Variants in RGSL1 observed in about 807,000 individuals in gnomAD.
RGSL1 encodes the protein regulator of G protein signaling protein-like.
Under a neutral mutation model 124.7 loss-of-function variants are expected in RGSL1, and 97 were observed. That is an observed-to-expected ratio of 0.78 (90% CI 0.66 to 0.92). RGSL1 has a LOEUF of 0.92. Ranked by LOEUF, RGSL1 falls within the 40% of genes least tolerant of loss-of-function variation. RGSL1 has a pLI of 0.00. For missense variants in RGSL1, 1,233 were observed against 1,288.4 expected, an observed-to-expected ratio of 0.96 and a Z score of 0.66; for synonymous variants, 424 against 438.1, an observed-to-expected ratio of 0.97 and a Z score of 0.40.
chr1:182,531,964 A>C (rs114187072), intron 13 of RGSL1, among the ~76,000 whole-genome samples: 1 of 152,146 alleles, frequency 6.6e-6, no homozygotes, highest in Non-Finnish European at 1.5e-5. Flanking sequence ...CTCCAGACTC[A>C]AAGTTTTTTA....
chr1:182,521,456 G>A lies in RGSL1; in HGVS notation c.1826-548G>A, dbSNP rs185165306. ...GACACCAATTCTGAACTTGCATGGT[G>A]TGCTAGAATATCATTTGAGAAACTT... On this transcript the variant is annotated intron_variant, in intron 9 of 21. Transcript: ENST00000294854. Among the ~76,000 whole-genome samples, 123 of 152,346 alleles carry A rather than the reference G, an allele frequency of 8.1e-4. 1 individual carries two copies. Among genetic ancestry groups the A allele is most frequent in the African/African-American group, 2.8e-3 (118 of 41,566 alleles).
At chr1:182,530,174 A>C (rs1051979998) in intron 11 of RGSL1, 70 bp from the exon 12 acceptor site, 1 of 1,257,166 alleles carries the variant, frequency 8.0e-7, no homozygotes, top group Non-Finnish European at 1.1e-6. Context: ...AAAAAAAAAC[A>C]AAAAACCACC....
rs1655324898 is a variant in RGSL1 at position 182,489,008 on chromosome 1, A to T, written c.1523A>T (p.Gln508Leu). ...TTQNRFISSR[Q>L]HKREFIGKEE... ...CAGAACAGGTTCATCAGCTCCAGACAGCATAAAAGAGAATTTATAGGCAAA... is the reference window on the plus strand; with the variant it reads ...CAGAACAGGTTCATCAGCTCCAGACTGCATAAAAGAGAATTTATAGGCAAA... Residue 508 changes from glutamine (Q) to leucine (L), a missense_variant, in exon 8 of 22, where the codon CAG becomes CTG. Physicochemically the swap from Gln to Leu is moderately radical, Grantham distance 113 (BLOSUM62 -2). Transcript: ENST00000294854. The T allele has an allele frequency of 1.3e-6, 2 of 1,551,214 alleles. No homozygotes were observed. The highest frequency in any genetic ancestry group is 1.7e-6 in the Non-Finnish European group (2 of 1,146,996).
At chr1:182,509,777 A>G (rs1221817147) in intron 9 of RGSL1, among the ~76,000 whole-genome samples, 1 of 87,626 alleles carries the variant, frequency 1.1e-5, no homozygotes, top group African/African-American at 4.5e-5. Flanking sequence ...CTGACCCCCC[A>G]CCTCCCTCCC....
At chr1:182,552,902 C>T (rs1310971638) in intron 18 of RGSL1, among the ~76,000 whole-genome samples, 3 of 152,070 alleles carry the variant, frequency 2.0e-5, no homozygotes, top group African/African-American at 7.2e-5. Context: ...GCTTCATCAC[C>T]TTTCCTTTTT....
At chr1:182,554,961 G>A in intron 20 of RGSL1, 1 of 470,914 alleles carries the variant, frequency 2.1e-6, no homozygotes, top group Non-Finnish European at 3.8e-6. Context: ...TGCTGTGGAA[G>A]TGTCCCAGAT....
At chr1:182,472,082 A>C (rs1558256332) in intron 4 of RGSL1, among the ~76,000 whole-genome samples, 1 of 151,656 alleles carries the variant, frequency 6.6e-6, no homozygotes, top group East Asian at 1.9e-4. Context: ...CCCAATCTTC[A>C]TTTTTTTTGG....
At chr1:182,520,327 T>A (rs1231279397) in intron 9 of RGSL1, among the ~76,000 whole-genome samples, 1 of 152,216 alleles carries the variant, frequency 6.6e-6, no homozygotes, top group Non-Finnish European at 1.5e-5. Context: ...TATCAGGGCC[T>A]CTTCTCCTTT....
intron 19 of RGSL1, 71 bp from the exon 20 acceptor site, chr1:182,554,556 G>T: frequency 3.0e-6 from 4 of 1,352,762 alleles, no homozygotes; most frequent in South Asian, 1.3e-5. Flanking sequence ...GGTCCTCCAG[G>T]GTGGAGGCCT....
chr1:182,450,282 T>A (rs961761594), intron 1 of RGSL1, 104 bp downstream of exon 1: 3 of 1,331,740 alleles, frequency 2.3e-6, no homozygotes, highest in African/African-American at 2.9e-5. Context: ...AGGGGCACCA[T>A]GGGTGACTTT....
At chr1:182,511,794 T>A (rs1156765741) in intron 9 of RGSL1, among the ~76,000 whole-genome samples, 1 of 152,218 alleles carries the variant, frequency 6.6e-6, no homozygotes. Flanking sequence ...GTCATTGGTG[T>A]TTCGATAGGA....
At chr1:182,528,277 T>C (rs1658907145) in intron 11 of RGSL1, among the ~76,000 whole-genome samples, 1 of 152,106 alleles carries the variant, frequency 6.6e-6, no homozygotes, top group South Asian at 2.1e-4. Context: ...ATGGGGATTA[T>C]TACAATTCAA....
intron 9 of RGSL1, among the ~76,000 whole-genome samples, chr1:182,508,276 T>A (rs1052566589): frequency 6.8e-6 from 1 of 148,148 alleles, no homozygotes; most frequent in Admixed American, 6.8e-5. Flanking sequence ...GTGATGGTTG[T>A]TGGTGGTGGT....
At chr1:182,486,257 T>C (rs767166956) in intron 6 of RGSL1, among the ~76,000 whole-genome samples, 46 of 152,140 alleles carry the variant, frequency 3.0e-4, no homozygotes, top group Non-Finnish European at 4.7e-4. Flanking sequence ...CTATTAAGCA[T>C]TGTTTCTTAA....
At chr1:182,503,952 T>C (rs1455436935) in intron 9 of RGSL1, among the ~76,000 whole-genome samples, 1 of 151,026 alleles carries the variant, frequency 6.6e-6, no homozygotes, top group African/African-American at 2.4e-5. Context: ...CCCAAATTTT[T>C]ATTTGGTCCC....
chr1:182,472,781 G>A (rs1338990162), intron 5 of RGSL1, among the ~76,000 whole-genome samples: 1 of 152,210 alleles, frequency 6.6e-6, no homozygotes, highest in Admixed American at 6.5e-5. Context: ...TGCCAATGAA[G>A]GCTGGCTGGA....
intron 18 of RGSL1, among the ~76,000 whole-genome samples, chr1:182,553,237 A>G (rs984804628): frequency 2.0e-5 from 3 of 152,208 alleles, no homozygotes; most frequent in Non-Finnish European, 2.9e-5. Flanking sequence ...TTGCCTCTTA[A>G]TACCATCTCT....
chr1:182,509,760 G>C (rs1244746835), intron 9 of RGSL1, among the ~76,000 whole-genome samples: 1 of 131,722 alleles, frequency 7.6e-6, no homozygotes, highest in Non-Finnish European at 1.7e-5. Flanking sequence ...CTGGCCGGGT[G>C]GGGGGGCTGA....
intron 14 of RGSL1, 95 bp downstream of exon 14, chr1:182,532,886 C>G: frequency 7.4e-7 from 1 of 1,358,268 alleles, no homozygotes; most frequent in South Asian, 1.4e-5. Flanking sequence ...GTCATGCCTG[C>G]GGCAGCCTGG....
Sources: gnomAD v4.1 joint callset for allele counts (sites outside exome capture counted in the v4.1 genomes callset) on GRCh38, gnomAD v4.1.1 for gene constraint, MANE v1.5 for transcripts, NCBI Gene and HGNC (gene_info 2026-07-23, HGNC 2026-07-21) for gene names.